Variants in SYDE1 observed in about 807,000 individuals in gnomAD.
SYDE1 encodes synapse defective Rho GTPase activating protein 1.
A neutral mutation model predicts 63.3 loss-of-function variants in SYDE1; 34 were observed. The observed-to-expected ratio is 0.54, with a 90% CI of 0.41 to 0.71. The LOEUF is 0.71. Among genes scored for constraint, SYDE1 ranks in the 30% least tolerant of loss-of-function variants. SYDE1 has a pLI of 0.00. For synonymous variants in SYDE1, 467 were observed against 473.4 expected (o/e 0.99, Z 0.18); for missense variants, 925 against 1,042.5 (o/e 0.89, Z 1.55).
chr19:15,107,576 C>A (rs905388808), intron 1 of SYDE1, 55 bp downstream of exon 1: 2 of 1,350,228 alleles, frequency 1.5e-6, no homozygotes, highest in Admixed American at 2.1e-5. Flanking sequence ...GGCCTGGGAG[C>A]GGGGTCCCAG....
Position 15,109,524 on chromosome 19 carries a change from A to G in SYDE1, c.430+127A>G. 4.2e-6 allele frequency: 5 copies of G among 1,198,298 alleles called. 1 individual carries two copies. The South Asian group carries it at 8.0e-5, about 19-fold the overall frequency. 74.2% of individuals were successfully genotyped at this position (1,198,298 alleles called of 1,614,324 possible). ...CACCAACCTCACACTCCTTCCCTTC[A>G]GGGGAGCACCAGCCTCACATCCCCA... On this transcript the variant is annotated intron_variant, in intron 2 of 7. Transcript: ENST00000342784. This position sits in a 1 kb window ranked among gnomAD's most constrained non-coding sequence, Gnocchi z 5.0.
chr19:15,107,554 C>G, intron 1 of SYDE1, 33 bp downstream of exon 1: 1 of 1,493,900 alleles, frequency 6.7e-7, no homozygotes, highest in East Asian at 2.5e-5. Context: ...CAGGGGGCGC[C>G]GAGCCCCACC....
At chr19:15,112,310 C>CT in intron 6 of SYDE1, 36 bp from the exon 7 acceptor site, 5 of 1,478,026 alleles carry the variant, frequency 3.4e-6, no homozygotes, top group Non-Finnish European at 4.6e-6. Context: ...AGGGGCCTGA[C>CT]TTTGTCTGAC....
chr19:15,107,649 G>A (rs2046315802), intron 1 of SYDE1, 128 bp downstream of exon 1: 1 of 459,178 alleles, frequency 2.2e-6, no homozygotes, highest in Non-Finnish European at 4.0e-6. Flanking sequence ...TGCAGACTGG[G>A]GTGCCTCCAG....
Position 15,109,608 on chromosome 19 carries a change from C to A in SYDE1, c.431-96C>A. 1.1e-6 allele frequency: 1 copy of A among 917,198 alleles called. No homozygotes were observed. The highest frequency in any genetic ancestry group is 1.6e-6 in the Non-Finnish European group (1 of 625,524). The allele number at this position is 917,198 out of a possible 1,614,324, so 56.8% of individuals were successfully genotyped here. On this transcript the variant is annotated intron_variant, in intron 2 of 7. Transcript: ENST00000342784. This position sits in a 1 kb window ranked among gnomAD's most constrained non-coding sequence, Gnocchi z 5.0. ...CACACCCTCCTCCCCGCCAGGGGAA[C>A]ACCAGCCTCACACTCCTTCCCTTCA...
At position 15,109,120 on chromosome 19, in the gene SYDE1, C is replaced by T. The variant is rs1294789584; in HGVS notation, c.153C>T (p.Ser51=). Residue 51 remains serine (S), a synonymous_variant, in exon 2 of 8, where the codon TCC becomes TCT. Transcript: ENST00000342784. This position sits in a 1 kb window ranked among gnomAD's most constrained non-coding sequence, Gnocchi z 5.0. ...PEPEPQAPEG[S]QAGAEGPSSP... ...CAGAGCCCCAGGCTCCCGAAGGGTCCCAGGCCGGAGCAGAGGGGCCCTCCA... is the reference window on the plus strand; with the variant it reads ...CAGAGCCCCAGGCTCCCGAAGGGTCTCAGGCCGGAGCAGAGGGGCCCTCCA... The T allele has an allele frequency of 6.5e-7, 1 of 1,549,030 alleles. No individual in the cohort carries two copies. Among genetic ancestry groups the T allele is most frequent in the Admixed American group, 2.0e-5 (1 of 50,848 alleles).
chr19:15,113,932 A>C lies in SYDE1; in HGVS notation c.2177A>C (p.Glu726Ala). The change falls in exon 8 of 8, where the codon GAG becomes GCG. Residue 726 changes from glutamate (E) to alanine (A), a missense_variant. By Grantham distance (107) the Glu-to-Ala change is moderately radical. This residue lies in a region of SYDE1 where 255 missense variants were observed against 255.9 expected (regional missense o/e 1.00). Transcript: ENST00000342784. ...GCCCTCATCCTGGATCTGGAGAGAGAGCTCTCCAAGCAAATCAACGTGTGC... is the reference window on the plus strand; with the variant it reads ...GCCCTCATCCTGGATCTGGAGAGAGCGCTCTCCAAGCAAATCAACGTGTGC... ...FDALILDLER[E>A]LSKQINVCL is the part of the protein sequence containing the mutation. The C allele has an allele frequency of 6.2e-7, 1 of 1,613,546 alleles. No homozygotes were observed. The highest frequency in any genetic ancestry group is 1.7e-4 in the Middle Eastern group (1 of 6,060).
chr19:15,109,394 C>A lies in SYDE1; in HGVS notation c.427C>A (p.Gln143Lys). ...AGCTGAGTCAGAGGGCCTGGCCCCC[C>A]AAGGTAAGAACAAGCTTCCCATCCC... ...GSAESEGLAP[Q>K]GAAPASPPTK... is the part of the protein sequence containing the mutation. The change falls in exon 2 of 8, where the codon CAA becomes AAA. Residue 143 changes from glutamine (Q) to lysine (K), a missense_variant. By Grantham distance (53) the Gln-to-Lys change is moderately conservative. Transcript: ENST00000342784. This position sits in a 1 kb window ranked among gnomAD's most constrained non-coding sequence, Gnocchi z 5.0. The A allele has an allele frequency of 1.3e-6, 2 of 1,541,066 alleles. No homozygotes were observed. The highest frequency in any genetic ancestry group is 1.3e-5 in the South Asian group (1 of 78,650).
At chr19:15,107,602 C>A in intron 1 of SYDE1, 81 bp downstream of exon 1, 2 of 886,998 alleles carry the variant, frequency 2.3e-6, no homozygotes, top group African/African-American at 1.8e-5. Context: ...CGAGGACAGA[C>A]GGTGGGGGGG....
rs927110963 is a variant in SYDE1, at chr19:15,109,151, G to A, written c.184G>A (p.Glu62Lys). The A allele has an allele frequency of 2.0e-5, 31 of 1,552,018 alleles. No homozygotes were observed. Among genetic ancestry groups the A allele is most frequent in the Non-Finnish European group, 2.6e-5 (30 of 1,147,362 alleles). Residue 62 changes from glutamate to lysine, a missense_variant, in exon 2 of 8, where the codon GAG (glutamate) becomes AAG (lysine). Glu to Lys is a moderately conservative substitution (Grantham distance 56, BLOSUM62 1). Coordinates refer to ENST00000342784, the MANE Select transcript of SYDE1 (RefSeq NM_033025.6). The surrounding 1 kb of genome is among the most constrained non-coding windows in gnomAD (Gnocchi z 5.0). ...QAGAEGPSSP[E>K]ASRSPARGAY... is the part of the protein sequence containing the mutation. ...CGGAGCAGAGGGGCCCTCCAGCCCC[G>A]AGGCATCAAGGAGCCCTGCACGGGG...
chr19:15,108,500 G>A lies in SYDE1; in HGVS notation c.89-556G>A, dbSNP rs572174465. Reference sequence around the variant, plus strand: ...GATGGCGACAGAGTTTGGAAGACAGGAGGGAGGGTAAAAGGGGCAGGGGAC... The same window carrying A: ...GATGGCGACAGAGTTTGGAAGACAGAAGGGAGGGTAAAAGGGGCAGGGGAC... On this transcript the variant is annotated intron_variant, in intron 1 of 7. Coordinates refer to ENST00000342784, the MANE Select transcript of SYDE1 (RefSeq NM_033025.6). The surrounding 1 kb of genome is among the most constrained non-coding windows in gnomAD (Gnocchi z 4.3). Among the ~76,000 whole-genome samples, 1 of 152,176 alleles carries A rather than the reference G, an allele frequency of 6.6e-6. No individual in the cohort carries two copies. The highest frequency in any genetic ancestry group is 1.9e-4 in the East Asian group (1 of 5,198).
rs376929156 is a variant in SYDE1 at position 15,113,952 on chromosome 19, G to A, written c.2197G>A (p.Val733Met). ...LERELSKQIN[V>M]CL Reference sequence around the variant, plus strand: ...GAGAGAGCTCTCCAAGCAAATCAACGTGTGCCTCTGAGCCAGATGACGGGG... The same window carrying A: ...GAGAGAGCTCTCCAAGCAAATCAACATGTGCCTCTGAGCCAGATGACGGGG... Residue 733 changes from valine to methionine, a missense_variant, in exon 8 of 8, where the codon GTG (valine) becomes ATG (methionine). Coordinates refer to ENST00000342784, the MANE Select transcript of SYDE1 (RefSeq NM_033025.6). The A allele has an allele frequency of 4.7e-5, 76 of 1,611,730 alleles. No individual in the cohort carries two copies. Among genetic ancestry groups the A allele is most frequent in the Non-Finnish European group, 6.3e-5 (74 of 1,178,522 alleles).
At chr19:15,113,466 G>T (rs2145331124) in intron 7 of SYDE1, 94 bp from the exon 8 acceptor site, 1 of 1,428,776 alleles carries the variant, frequency 7.0e-7, no homozygotes, top group Non-Finnish European at 9.3e-7. Context: ...GTCGAAGGCC[G>T]CTTTCCACAG....
chr19:15,114,946 T>A lies in SYDE1; in HGVS notation c.*983T>A, dbSNP rs897362314. 1.3e-5 allele frequency: 6 copies of A among 448,358 alleles called. No individual in the cohort carries two copies. Among genetic ancestry groups the A allele is most frequent in the Non-Finnish European group, 2.5e-5 (6 of 242,784 alleles). 27.8% of individuals were successfully genotyped at this position (448,358 alleles called of 1,614,324 possible). ...CCTCTTCTTTTCCGCACCTCCATCT[T>A]TGTGGATAATAAATAAATATGCACA... On this transcript the variant is annotated 3_prime_UTR_variant, in exon 8 of 8. Coordinates refer to ENST00000342784, the MANE Select transcript of SYDE1 (RefSeq NM_033025.6).
rs920926461 is a variant in SYDE1, at chr19:15,109,991, G to A, written c.718G>A (p.Ala240Thr). 1.3e-6 allele frequency: 2 copies of A among 1,493,480 alleles called. No homozygotes were observed. Among genetic ancestry groups the A allele is most frequent in the African/African-American group, 2.9e-5 (2 of 68,804 alleles). 92.5% of individuals were successfully genotyped at this position (1,493,480 alleles called of 1,614,324 possible). The part of the protein sequence containing the change: ...LSDGDSPERP[A>T]GPPSPTSFRP... ...CGACGGGGACTCACCGGAGCGCCCAGCTGGGCCCCCATCACCCACCTCCTT... is the reference window on the plus strand; with the variant it reads ...CGACGGGGACTCACCGGAGCGCCCAACTGGGCCCCCATCACCCACCTCCTT... Residue 240 changes from alanine to threonine, a missense_variant, in exon 3 of 8, where the codon GCT becomes ACT. Around this residue, in one of 3 missense-constraint regions of SYDE1, gnomAD observed 599 missense variants for 653.7 expected, o/e 0.92. Transcript: ENST00000342784. The surrounding 1 kb of genome is among the most constrained non-coding windows in gnomAD (Gnocchi z 5.0).
Position 15,108,278 on chromosome 19 carries a change from C to T in SYDE1, c.88+757C>T, listed in dbSNP as rs538695495. 2.6e-5 allele frequency among the ~76,000 whole-genome samples: 4 copies of T among 152,270 alleles called. No homozygotes were observed. The highest frequency in any genetic ancestry group is 7.2e-5 in the African/African-American group (3 of 41,540). On this transcript the variant is annotated intron_variant, in intron 1 of 7. Transcript: ENST00000342784. This position sits in a 1 kb window ranked among gnomAD's most constrained non-coding sequence, Gnocchi z 4.3. ...GAGGAAGGCCAGACCATTCCATGGA[C>T]GTACCCCTTCCCCCCAGGCCTTCCC...
chr19:15,113,052 GCAC>G (rs1488998016), intron 7 of SYDE1, among the ~76,000 whole-genome samples: 1 of 152,060 alleles, frequency 6.6e-6, no homozygotes, highest in Non-Finnish European at 1.5e-5. Flanking sequence ...TTATAGGCAC[GCAC>G]CACCAGTCCT....
Position 15,111,012 on chromosome 19 carries a change from A to G in SYDE1, c.1290+277A>G, listed in dbSNP as rs1459670818. The stretch of plus-strand genomic sequence containing the variant: ...TCTAGTCATTCACAAATGTAAAACT[A>G]TAACTGGGACTGGAGTTGGGGTGGG... On this transcript the variant is annotated intron_variant, in intron 4 of 7. Transcript: ENST00000342784. The surrounding 1 kb of genome is among the most constrained non-coding windows in gnomAD (Gnocchi z 5.5). 1.3e-5 allele frequency among the ~76,000 whole-genome samples: 2 copies of G among 152,202 alleles called. No individual in the cohort carries two copies. Among genetic ancestry groups the G allele is most frequent in the Non-Finnish European group, 2.9e-5 (2 of 68,032 alleles).
Position 15,111,643 on chromosome 19 carries a change from G to C in SYDE1, c.1429G>C (p.Asp477His). 6.2e-7 allele frequency: 1 copy of C among 1,613,908 alleles called. No homozygotes were observed. The highest frequency in any genetic ancestry group is 8.5e-7 in the Non-Finnish European group (1 of 1,179,982). The change falls in exon 6 of 8, where the codon GAT becomes CAT. Residue 477 changes from aspartate to histidine, a missense_variant. Asp to His is a moderately conservative substitution (Grantham distance 81, BLOSUM62 -1). Transcript: ENST00000342784. The surrounding 1 kb of genome is among the most constrained non-coding windows in gnomAD (Gnocchi z 5.5). ...CCCTGTGTTCACAGGCATCCTCAAG[G>C]ATTATCTTCGAGAGTTGCCCACCCC... ...DINVITGILKDYLRELPTPLI... is the reference protein window; with the variant it reads ...DINVITGILKHYLRELPTPLI...
Sources: allele counts gnomAD v4.1 joint callset (sites outside exome capture counted in the v4.1 genomes callset), GRCh38; gene constraint gnomAD v4.1.1; regional missense constraint gnomAD v4.1.1; non-coding constraint Gnocchi (gnomAD v3.1); transcripts MANE v1.5; gene names NCBI Gene and HGNC (gene_info 2026-07-23, HGNC 2026-07-21).